SHISA9: variants seen among roughly 807,000 people sequenced by gnomAD.
SHISA9 encodes shisa family member 9, also known as protein shisa-9.
Under a neutral mutation model 38.0 loss-of-function variants are expected in SHISA9, and 13 were observed. That is an observed-to-expected ratio of 0.34 (90% CI 0.22 to 0.54). The LOEUF (loss-of-function observed/expected upper bound fraction) is 0.54. Ranked by LOEUF, SHISA9 falls within the 20% of genes least tolerant of loss-of-function variation. SHISA9 has a pLI of 0.91. For missense variants in SHISA9, 538 were observed against 575.8 expected (o/e 0.93, Z 0.67); for synonymous variants, 275 against 242.0 (o/e 1.14, Z -1.27).
At chr16:13,369,560 C>G in the SHISA9 span, among the ~76,000 whole-genome samples, 16 of 151,556 alleles carry the variant, frequency 1.1e-4, no homozygotes, top group African/African-American at 3.6e-4. Flanking sequence ...GCTGTAAACA[C>G]CTTGTTCAAG....
intron 2 of SHISA9, among the ~76,000 whole-genome samples, chr16:13,041,334 A>G (rs1220906063): frequency 1.3e-5 from 2 of 152,172 alleles, no homozygotes; most frequent in Non-Finnish European, 2.9e-5. Context: ...ACCCAGGCTT[A>G]GGACTCCTGC....
chr16:13,008,084 C>T lies in SHISA9; in HGVS notation c.691+91269C>T, dbSNP rs144485002. Among the ~76,000 whole-genome samples the T allele has an allele frequency of 5.3e-5, 8 of 152,234 alleles. 1 individual carries two copies. The East Asian group carries it at 5.8e-4, about 11-fold the overall frequency. ...GGATATGAATGGGGAAGAATGGAAG[C>T]GCCAGGGAGTTAATGCTCTAGGGAG... On this transcript the variant is annotated intron_variant, in intron 2 of 4. Coordinates refer to ENST00000558583, the MANE Select transcript of SHISA9 (RefSeq NM_001145204.3).
intron 2 of SHISA9, among the ~76,000 whole-genome samples, chr16:13,051,278 CA>C (rs2073247913): frequency 6.6e-6 from 1 of 152,210 alleles, no homozygotes; most frequent in African/African-American, 2.4e-5. Context: ...AGAGCATGTG[CA>C]GGGGAACTCC....
At chr16:13,019,819 T>C (rs1567183840) in intron 2 of SHISA9, among the ~76,000 whole-genome samples, 2 of 140,322 alleles carry the variant, frequency 1.4e-5, no homozygotes, top group Admixed American at 7.1e-5. Flanking sequence ...TTTCTTTCTT[T>C]CTTTCTTTCT....
At chr16:13,264,932 G>A in the SHISA9 span, among the ~76,000 whole-genome samples, 12 of 109,296 alleles carry the variant, frequency 1.1e-4, no homozygotes, top group East Asian at 1.4e-3. Context: ...CCCCTCCCTC[G>A]CTCCTCCTTT....
chr16:13,192,575 G>T (rs2050896098), intron 2 of SHISA9, among the ~76,000 whole-genome samples: 1 of 151,976 alleles, frequency 6.6e-6, no homozygotes, highest in Non-Finnish European at 1.5e-5. Context: ...TTTCTAATTT[G>T]GGAGGAAACT....
the SHISA9 span, among the ~76,000 whole-genome samples, chr16:13,252,529 C>T: frequency 2.0e-5 from 3 of 152,180 alleles, no homozygotes; most frequent in Non-Finnish European, 4.4e-5. Flanking sequence ...AGTCTTCCTC[C>T]CCTGGCTCAC....
intron 2 of SHISA9, among the ~76,000 whole-genome samples, chr16:13,140,152 T>G: frequency 3.5e-5 from 1 of 28,870 alleles, no homozygotes; most frequent in Non-Finnish European, 6.6e-5. Context: ...TCCCCTCCCC[T>G]CCCCTCCCCT....
At chr16:13,390,881 G>A in the SHISA9 span, among the ~76,000 whole-genome samples, 2 of 152,194 alleles carry the variant, frequency 1.3e-5, no homozygotes, top group Non-Finnish European at 2.9e-5. Flanking sequence ...ACAAGAGGCA[G>A]TCTGAGATAT....
intron 2 of SHISA9, among the ~76,000 whole-genome samples, chr16:13,163,738 TA>T (rs1255132920): frequency 2.0e-5 from 3 of 152,116 alleles, no homozygotes; most frequent in African/African-American, 7.2e-5. Context: ...AAATATTTAA[TA>T]TTTTTGTTGC....
intron 1 of SHISA9, among the ~76,000 whole-genome samples, chr16:12,905,311 T>G (rs1385573202): frequency 6.6e-6 from 1 of 152,354 alleles, no homozygotes; most frequent in East Asian, 1.9e-4. Context: ...TAATTGTGTC[T>G]GGGACAGATG....
At chr16:13,425,482 G>A in the SHISA9 span, among the ~76,000 whole-genome samples, 13 of 151,922 alleles carry the variant, frequency 8.6e-5, no homozygotes, top group East Asian at 1.9e-4. Flanking sequence ...GTGAGACTTC[G>A]TCTCAAACAA....
At chr16:13,249,747 C>G in the SHISA9 span, among the ~76,000 whole-genome samples, 2 of 151,910 alleles carry the variant, frequency 1.3e-5, no homozygotes, top group African/African-American at 4.8e-5. Flanking sequence ...TATTATTTTA[C>G]TTCTTAGAAA....
chr16:13,304,940 G>T, the SHISA9 span, among the ~76,000 whole-genome samples: 3 of 152,194 alleles, frequency 2.0e-5, no homozygotes, highest in Non-Finnish European at 4.4e-5. Context: ...CCCATTACTG[G>T]ATCTGTTCTG....
chr16:12,993,996 T>G (rs897286787), intron 2 of SHISA9, among the ~76,000 whole-genome samples: 6 of 151,658 alleles, frequency 4.0e-5, no homozygotes, highest in African/African-American at 1.5e-4. Context: ...GAAAATGAAG[T>G]CAGAGACCCT....
At chr16:13,021,459 G>A (rs139420180) in intron 2 of SHISA9, among the ~76,000 whole-genome samples, 1 of 152,288 alleles carries the variant, frequency 6.6e-6, no homozygotes, top group Non-Finnish European at 1.5e-5. Flanking sequence ...ATGGGGACAG[G>A]AAGTGAGTTA....
chr16:12,931,852 G>A (rs7203853), intron 2 of SHISA9, among the ~76,000 whole-genome samples: 16,996 of 152,058 alleles, frequency 0.11, 1,182 homozygotes, highest in African/African-American at 0.2. Context: ...GCATACTCAG[G>A]GTAAAAGTAA....
At chr16:13,407,284 G>A in the SHISA9 span, among the ~76,000 whole-genome samples, 22 of 152,022 alleles carry the variant, frequency 1.4e-4, no homozygotes, top group Non-Finnish European at 2.9e-4. Flanking sequence ...CTTCCCTCTG[G>A]CTGTATCCTC....
In SHISA9 at chr16:13,098,827, G is replaced by A. The variant is rs148010753; in HGVS notation, c.692-104567G>A. Among the ~76,000 whole-genome samples, 345 of 152,336 alleles carry A rather than the reference G, an allele frequency of 2.3e-3. 6 individuals are homozygous for A. In the East Asian group the frequency reaches 0.05, roughly 22 times the overall value. The stretch of plus-strand genomic sequence containing the variant: ...AGAGGCTCCCAGCTCTGTTGAATCT[G>A]GCTCAATCTCTTCCTAGATCTGCGG... On this transcript the variant is annotated intron_variant, in intron 2 of 4. Transcript: ENST00000558583.
Sources: allele counts gnomAD v4.1 joint callset (sites outside exome capture counted in the v4.1 genomes callset), GRCh38; gene constraint gnomAD v4.1.1; transcripts MANE v1.5; gene names NCBI Gene and HGNC (gene_info 2026-07-23, HGNC 2026-07-21).